Variants in KIRREL3 observed in about 807,000 individuals in gnomAD.
The protein encoded by KIRREL3 is kirre like nephrin family adhesion molecule 3.
KIRREL3 carries 36 observed loss-of-function variants against 89.7 expected under a neutral mutation model. The ratio of observed to expected loss-of-function variants is 0.40; its 90% CI spans 0.31 to 0.53. The LOEUF (loss-of-function observed/expected upper bound fraction) is 0.53. KIRREL3 is among the 20% of genes least tolerant of loss of function. KIRREL3 has a pLI of 0.49. For synonymous variants in KIRREL3, 445 were observed against 441.4 expected (o/e 1.01, Z -0.10); for missense variants, 864 against 1,056.6 (o/e 0.82, Z 2.53).
intron 7 of KIRREL3, among the ~76,000 whole-genome samples, chr11:126,449,473 A>C (rs533546502): frequency 1.3e-5 from 2 of 152,326 alleles, no homozygotes; most frequent in African/African-American, 4.8e-5. Flanking sequence ...TCTGCTGGCT[A>C]GACGATGGAA....
chr11:126,815,510 T>G (rs7925272), intron 1 of KIRREL3, among the ~76,000 whole-genome samples: 46,429 of 152,118 alleles, frequency 0.31, 7,392 homozygotes, highest in East Asian at 0.43. Context: ...TAGTAGCATT[T>G]CATAAATGTG....
rs935618512 is a variant in KIRREL3 at position 126,985,761 on chromosome 11, G to T, written c.55+14694C>A. Among the ~76,000 whole-genome samples, 1 of 152,188 alleles carries T rather than the reference G, an allele frequency of 6.6e-6. No individual in the cohort carries two copies. The highest frequency in any genetic ancestry group is 2.1e-4 in the South Asian group (1 of 4,826). ...TCAAAGGAACGTACACCCATGAGAA[G>T]ATAGCGAACTCTGTGCAAAGCTGAT... On this transcript the variant is annotated intron_variant, in intron 1 of 16. Transcript: ENST00000525144. This position sits in a 1 kb window ranked among gnomAD's most constrained non-coding sequence, Gnocchi z 5.3.
At chr11:126,847,047 T>A (rs1388459320) in intron 1 of KIRREL3, among the ~76,000 whole-genome samples, 1 of 152,180 alleles carries the variant, frequency 6.6e-6, no homozygotes, top group Non-Finnish European at 1.5e-5. Flanking sequence ...TTTATGAAGA[T>A]CTTACCTTAT....
chr11:126,774,183 T>TTC (rs1491296081), intron 1 of KIRREL3, among the ~76,000 whole-genome samples: 1 of 105,086 alleles, frequency 9.5e-6, no homozygotes, highest in African/African-American at 3.8e-5. Flanking sequence ...TTTTTTTTTT[T>TTC]AAATAAATGA....
chr11:126,465,061 AGG>A (rs773783987), intron 5 of KIRREL3, among the ~76,000 whole-genome samples: 3 of 151,772 alleles, frequency 2.0e-5, no homozygotes, highest in Non-Finnish European at 4.4e-5. Flanking sequence ...CACCCCGGGG[AGG>A]GTGTGCTGAG....
chr11:126,943,229 C>A lies in KIRREL3; in HGVS notation c.55+57226G>T, dbSNP rs1365202391. Reference sequence around the variant, plus strand: ...AGGTGTTTCTGGGCCTTAAGCAGCTCCCATGGTAAAACATTCACCGTCATT... The same window carrying A: ...AGGTGTTTCTGGGCCTTAAGCAGCTACCATGGTAAAACATTCACCGTCATT... On this transcript the variant is annotated intron_variant, in intron 1 of 16. Coordinates refer to ENST00000525144, the MANE Select transcript of KIRREL3 (RefSeq NM_032531.4). This position sits in a 1 kb window ranked among gnomAD's most constrained non-coding sequence, Gnocchi z 4.2. Among the ~76,000 whole-genome samples the A allele has an allele frequency of 2.0e-5, 3 of 152,138 alleles. No homozygotes were observed. Among genetic ancestry groups the A allele is most frequent in the Non-Finnish European group, 4.4e-5 (3 of 68,018 alleles).
At chr11:126,801,645 C>T (rs1208550233) in intron 1 of KIRREL3, among the ~76,000 whole-genome samples, 1 of 152,222 alleles carries the variant, frequency 6.6e-6, no homozygotes, top group Non-Finnish European at 1.5e-5. Context: ...ACTTTCTCTC[C>T]TGGCCCATTT....
intron 2 of KIRREL3, among the ~76,000 whole-genome samples, chr11:126,536,635 G>T (rs913405031): frequency 1.4e-5 from 2 of 143,284 alleles, no homozygotes; most frequent in African/African-American, 5.2e-5. Context: ...CATGGCCCTG[G>T]GCAATGCTTT....
At chr11:126,889,447 C>G (rs1945823471) in intron 1 of KIRREL3, among the ~76,000 whole-genome samples, 5 of 152,046 alleles carry the variant, frequency 3.3e-5, no homozygotes. Flanking sequence ...GTGGAGGCAC[C>G]ATGATTTGTT....
intron 1 of KIRREL3, among the ~76,000 whole-genome samples, chr11:126,675,828 A>T (rs1331062060): frequency 1.3e-5 from 2 of 152,212 alleles, no homozygotes; most frequent in Non-Finnish European, 2.9e-5. Context: ...TGTATGGGTA[A>T]TGGATTAATG....
At chr11:126,600,490 GT>G (rs1942603639) in intron 1 of KIRREL3, among the ~76,000 whole-genome samples, 1 of 152,172 alleles carries the variant, frequency 6.6e-6, no homozygotes, top group Non-Finnish European at 1.5e-5. Flanking sequence ...TTCTTGCCTT[GT>G]TCCTCTGTAT....
rs1005532690 is a variant in KIRREL3, at chr11:126,623,587, G to A, written c.56-60675C>T. On this transcript the variant is annotated intron_variant, in intron 1 of 16. Coordinates refer to ENST00000525144, the MANE Select transcript of KIRREL3 (RefSeq NM_032531.4). The surrounding 1 kb of genome is among the most constrained non-coding windows in gnomAD (Gnocchi z 4.1). ...AAACCAGGTAAGAGTGAGCAAGCAGGATGGTAAAAGGGATAACAGCTGATG... is the reference window on the plus strand; with the variant it reads ...AAACCAGGTAAGAGTGAGCAAGCAGAATGGTAAAAGGGATAACAGCTGATG... 1.3e-5 allele frequency among the ~76,000 whole-genome samples: 2 copies of A among 152,110 alleles called. No individual in the cohort carries two copies. Among genetic ancestry groups the A allele is most frequent in the Non-Finnish European group, 2.9e-5 (2 of 68,024 alleles).
intron 4 of KIRREL3, among the ~76,000 whole-genome samples, chr11:126,514,481 C>T (rs149575352): frequency 2.2e-4 from 34 of 152,240 alleles, no homozygotes; most frequent in African/African-American, 3.4e-4. Flanking sequence ...TCTGATCCCC[C>T]GGGATGCAGG....
intron 1 of KIRREL3, among the ~76,000 whole-genome samples, chr11:126,887,647 T>TA (rs763229227): frequency 6.6e-6 from 1 of 151,894 alleles, no homozygotes; most frequent in Non-Finnish European, 1.5e-5. Flanking sequence ...GCCAAGAATG[T>TA]AAAGACAGCA....
chr11:126,884,401 G>A (rs907177645), intron 1 of KIRREL3, among the ~76,000 whole-genome samples: 1 of 152,188 alleles, frequency 6.6e-6, no homozygotes, highest in African/African-American at 2.4e-5. Flanking sequence ...CAACCTGCAG[G>A]TATGTCCCAA....
chr11:126,846,824 C>T (rs1204279364), intron 1 of KIRREL3, among the ~76,000 whole-genome samples: 1 of 152,082 alleles, frequency 6.6e-6, no homozygotes, highest in African/African-American at 2.4e-5. Flanking sequence ...TAAGATAAAA[C>T]TGAACAGTTG....
chr11:126,831,826 C>A (rs1943619719), intron 1 of KIRREL3, among the ~76,000 whole-genome samples: 1 of 152,098 alleles, frequency 6.6e-6, no homozygotes, highest in African/African-American at 2.4e-5. Context: ...GAGGGTTTGA[C>A]ATAACAGATG....
intron 2 of KIRREL3, among the ~76,000 whole-genome samples, chr11:126,540,861 A>C (rs1938311443): frequency 6.6e-6 from 1 of 152,186 alleles, no homozygotes; most frequent in Non-Finnish European, 1.5e-5. Flanking sequence ...CTGGCCAGCC[A>C]TGGGACCCTG....
rs1056417821 is a variant in KIRREL3 at position 126,696,582 on chromosome 11, G to A, written c.56-133670C>T. Among the ~76,000 whole-genome samples the A allele has an allele frequency of 6.6e-6, 1 of 152,084 alleles. No individual in the cohort carries two copies. Among genetic ancestry groups the A allele is most frequent in the Admixed American group, 6.6e-5 (1 of 15,262 alleles). ...GGTCCTCACCTCTGCCATCCTCCAC[G>A]TGATCCCCAAACGTTGCTGATCAAC... On this transcript the variant is annotated intron_variant, in intron 1 of 16. Transcript: ENST00000525144. This position sits in a 1 kb window ranked among gnomAD's most constrained non-coding sequence, Gnocchi z 4.4.
Sources: gnomAD v4.1 joint callset for allele counts (sites outside exome capture counted in the v4.1 genomes callset) on GRCh38, gnomAD v4.1.1 for gene constraint, Gnocchi (gnomAD v3.1) non-coding constraint, MANE v1.5 for transcripts, NCBI Gene and HGNC (gene_info 2026-07-23, HGNC 2026-07-21) for gene names.